The following ZFAND3 variants were observed in gnomAD, a reference collection of about 807,000 sequenced individuals.
ZFAND3 encodes the protein AN1-type zinc finger protein 3.
A neutral mutation model predicts 29.6 loss-of-function variants in ZFAND3; 10 were observed. The observed-to-expected ratio is 0.34, with a 90% CI of 0.21 to 0.57. The LOEUF is 0.57. ZFAND3 is among the 20% of genes least tolerant of loss of function. The pLI is 0.86. For missense variants in ZFAND3, 230 were observed against 304.5 expected (o/e 0.76, Z 1.82); for synonymous variants, 128 against 112.6 (o/e 1.14, Z -0.87).
intron 1 of ZFAND3, among the ~76,000 whole-genome samples, chr6:37,856,238 G>A (rs1275556958): frequency 6.6e-6 from 1 of 151,892 alleles, no homozygotes; most frequent in Non-Finnish European, 1.5e-5. Flanking sequence ...AAAGTGATCT[G>A]CCCCACTCGG....
At chr6:37,822,511 G>C (rs190197290) in intron 1 of ZFAND3, among the ~76,000 whole-genome samples, 9 of 152,228 alleles carry the variant, frequency 5.9e-5, no homozygotes, top group Admixed American at 3.9e-4. Context: ...TGTTCACTGA[G>C]TAAACTTAGA....
At chr6:37,904,827 G>A (rs1465657274) in intron 1 of ZFAND3, among the ~76,000 whole-genome samples, 1 of 152,186 alleles carries the variant, frequency 6.6e-6, no homozygotes, top group Non-Finnish European at 1.5e-5. Flanking sequence ...ACATAATGTG[G>A]ATGTCAGTCA....
Position 37,939,940 on chromosome 6 carries a change from T to C in ZFAND3, c.112+9941T>C, listed in dbSNP as rs1361414234. Among the ~76,000 whole-genome samples the C allele has an allele frequency of 2.0e-5, 3 of 152,026 alleles. No homozygotes were observed. The East Asian group carries it at 5.8e-4, about 29-fold the overall frequency. On this transcript the variant is annotated intron_variant, in intron 2 of 5. Coordinates refer to ENST00000287218, the MANE Select transcript of ZFAND3 (RefSeq NM_021943.3). The stretch of plus-strand genomic sequence containing the variant: ...CTGTAATCCCAGCTACTCCGGAAAC[T>C]GAGGCAGGAGAATCACTTAAACCTG...
At chr6:37,886,589 C>T (rs890959436) in intron 1 of ZFAND3, among the ~76,000 whole-genome samples, 4 of 152,202 alleles carry the variant, frequency 2.6e-5, no homozygotes, top group East Asian at 1.9e-4. Flanking sequence ...TTGGTCTCTT[C>T]AGCACTGTTG....
intron 1 of ZFAND3, among the ~76,000 whole-genome samples, chr6:37,872,535 C>T (rs1764713204): frequency 6.6e-6 from 1 of 152,090 alleles, no homozygotes; most frequent in African/African-American, 2.4e-5. Context: ...CTTCATGTCC[C>T]TTCTCAGTCA....
chr6:37,916,406 T>C (rs1761255211), intron 1 of ZFAND3, among the ~76,000 whole-genome samples: 1 of 151,930 alleles, frequency 6.6e-6, no homozygotes, highest in South Asian at 2.1e-4. Flanking sequence ...ATGCCTGTAA[T>C]CCCAGCACTT....
chr6:38,153,662 C>G lies in ZFAND3; in HGVS notation c.*1273C>G, dbSNP rs549486807. ...ATTTCAGCAGCTGCAACTGCGCACG[C>G]CAGGTGGGGAAGGGTGGGGGTGGGC... On this transcript the variant is annotated 3_prime_UTR_variant, in exon 6 of 6. Transcript: ENST00000287218. 15 of 985,370 alleles carry G rather than the reference C, an allele frequency of 1.5e-5. No homozygotes were observed. The African/African-American group carries it at 2.1e-4, about 14-fold the overall frequency. The allele number at this position is 985,370 out of a possible 1,614,324, so 61.0% of individuals were successfully genotyped here.
At chr6:37,840,917 A>G (rs1764061797) in intron 1 of ZFAND3, among the ~76,000 whole-genome samples, 2 of 152,244 alleles carry the variant, frequency 1.3e-5, no homozygotes, top group South Asian at 4.1e-4. Flanking sequence ...AGGAAGATTA[A>G]TTATTTTAAT....
chr6:38,037,513 G>A (rs148411636), intron 2 of ZFAND3, among the ~76,000 whole-genome samples: 1,542 of 152,262 alleles, frequency 0.01, 9 homozygotes, highest in Non-Finnish European at 0.016. Flanking sequence ...TCCATGACTC[G>A]GATTGCGTGT....
chr6:37,826,159 A>C (rs192452030), intron 1 of ZFAND3, among the ~76,000 whole-genome samples: 1 of 152,170 alleles, frequency 6.6e-6, no homozygotes, highest in Admixed American at 6.5e-5. Flanking sequence ...CAGCAAAGCT[A>C]CTTGAAGGAA....
At chr6:38,044,119 C>T (rs966717057) in intron 2 of ZFAND3, among the ~76,000 whole-genome samples, 12 of 152,096 alleles carry the variant, frequency 7.9e-5, no homozygotes, top group Admixed American at 6.5e-4. Context: ...AAAACTAATC[C>T]AATAAAAAAG....
intron 2 of ZFAND3, among the ~76,000 whole-genome samples, chr6:38,002,623 C>A (rs916869290): frequency 6.6e-6 from 1 of 151,976 alleles, no homozygotes; most frequent in Non-Finnish European, 1.5e-5. Flanking sequence ...GTTGCAATTG[C>A]CACTGCACTG....
At chr6:37,861,376 A>G (rs1764487656) in intron 1 of ZFAND3, among the ~76,000 whole-genome samples, 1 of 152,224 alleles carries the variant, frequency 6.6e-6, no homozygotes. Flanking sequence ...AAGGACACTG[A>G]AGAAATGATG....
intron 5 of ZFAND3, among the ~76,000 whole-genome samples, chr6:38,132,354 A>G (rs1047734844): frequency 2.6e-5 from 4 of 152,214 alleles, no homozygotes; most frequent in African/African-American, 9.6e-5. Context: ...CTACAAAAAA[A>G]TAAAATAAGC....
At chr6:37,907,588 C>T (rs1179121622) in intron 1 of ZFAND3, among the ~76,000 whole-genome samples, 2 of 152,116 alleles carry the variant, frequency 1.3e-5, no homozygotes, top group African/African-American at 4.8e-5. Context: ...AGTAGTATTT[C>T]ATTCTGTGGA....
At chr6:37,959,181 A>G (rs981115159) in intron 2 of ZFAND3, among the ~76,000 whole-genome samples, 10 of 152,228 alleles carry the variant, frequency 6.6e-5, no homozygotes, top group Admixed American at 2.0e-4. Flanking sequence ...GTTTTAACCA[A>G]TGTGATGCAG....
At chr6:38,054,409 A>C (rs933612492) in intron 2 of ZFAND3, among the ~76,000 whole-genome samples, 5 of 151,284 alleles carry the variant, frequency 3.3e-5, no homozygotes, top group African/African-American at 1.2e-4. Context: ...AAAAAAAAAA[A>C]AAAAACAAGG....
chr6:37,960,743 A>G (rs1762180116), intron 2 of ZFAND3, among the ~76,000 whole-genome samples: 2 of 152,084 alleles, frequency 1.3e-5, no homozygotes, highest in African/African-American at 4.8e-5. Flanking sequence ...AATGACATTC[A>G]TCTGTTCTGA....
At chr6:37,938,497 C>T (rs1352306444) in intron 2 of ZFAND3, among the ~76,000 whole-genome samples, 6 of 152,132 alleles carry the variant, frequency 3.9e-5, no homozygotes, top group Admixed American at 3.9e-4. Flanking sequence ...CCTGTGTTTT[C>T]TCTCTCTCTT....
Sources: gnomAD v4.1 joint callset for allele counts (sites outside exome capture counted in the v4.1 genomes callset) on GRCh38, gnomAD v4.1.1 for gene constraint, MANE v1.5 for transcripts, NCBI Gene and HGNC (gene_info 2026-07-23, HGNC 2026-07-21) for gene names.